Variants in CTNND2 observed in about 807,000 individuals in gnomAD.
The protein encoded by CTNND2 is catenin delta 2, also known as catenin delta-2.
In CTNND2, 22 loss-of-function variants were observed where a neutral mutation model predicts 144.4. The ratio of observed to expected loss-of-function variants is 0.15; its 90% CI spans 0.11 to 0.22. The LOEUF is 0.22. Ranked by LOEUF, CTNND2 falls within the 10% of genes least tolerant of loss-of-function variation. CTNND2 has a pLI of 1.00. For synonymous variants in CTNND2, 751 were observed against 695.6 expected (o/e 1.08, Z -1.25); for missense variants, 1,353 against 1,618.8 (o/e 0.84, Z 2.82).
chr5:11,212,758 A>G (rs1281291911), intron 10 of CTNND2, among the ~76,000 whole-genome samples: 1 of 152,092 alleles, frequency 6.6e-6, no homozygotes, highest in African/African-American at 2.4e-5. Flanking sequence ...AAGGCTGGAG[A>G]GTGGGAGCTG....
intron 2 of CTNND2, among the ~76,000 whole-genome samples, chr5:11,623,016 T>C (rs187342419): frequency 1.5e-4 from 23 of 152,260 alleles, no homozygotes; most frequent in Non-Finnish European, 2.6e-4. Flanking sequence ...GAGGACAATT[T>C]ACTGGCAAAC....
intron 2 of CTNND2, among the ~76,000 whole-genome samples, chr5:11,703,184 C>A (rs1310521231): frequency 6.6e-6 from 1 of 152,148 alleles, no homozygotes; most frequent in Non-Finnish European, 1.5e-5. Flanking sequence ...AATCATGTTT[C>A]AATTTTTCAA....
intron 9 of CTNND2, among the ~76,000 whole-genome samples, chr5:11,344,216 C>A (rs1019105260): frequency 4.0e-5 from 6 of 151,748 alleles, no homozygotes; most frequent in African/African-American, 1.5e-4. Flanking sequence ...CACGGTGAAA[C>A]CCCGTCTCTA....
intron 16 of CTNND2, among the ~76,000 whole-genome samples, chr5:11,075,685 C>G (rs896072060): frequency 6.6e-6 from 1 of 152,244 alleles, no homozygotes; most frequent in Non-Finnish European, 1.5e-5. Flanking sequence ...CCGCCAGTAC[C>G]CGCAGGGATG....
chr5:11,732,291 T>G lies in CTNND2; in HGVS notation c.38-19A>C, dbSNP rs200260744. The G allele has an allele frequency of 3.1e-6, 5 of 1,609,412 alleles. No homozygotes were observed. Among genetic ancestry groups the G allele is most frequent in the Non-Finnish European group, 4.2e-6 (5 of 1,176,724 alleles). On this transcript the variant is annotated intron_variant, in intron 1 of 21. Coordinates refer to ENST00000304623, the MANE Select transcript of CTNND2 (RefSeq NM_001332.4). ...ATAGCTCCTGCAAGGCAAGAGGACA[T>G]GATCAATACAATCAGATGTTGACAC...
chr5:11,388,117 A>G (rs1056158161), intron 6 of CTNND2, among the ~76,000 whole-genome samples: 32 of 152,344 alleles, frequency 2.1e-4, no homozygotes, highest in African/African-American at 7.7e-4. Flanking sequence ...TTGTGCTAAT[A>G]ATTTTGGCAT....
At chr5:11,389,747 C>T (rs549153317) in intron 6 of CTNND2, among the ~76,000 whole-genome samples, 4 of 152,336 alleles carry the variant, frequency 2.6e-5, no homozygotes, top group Admixed American at 2.6e-4. Flanking sequence ...AATCCCTACT[C>T]TGAAAATCCA....
intron 20 of CTNND2, among the ~76,000 whole-genome samples, chr5:10,985,630 G>T (rs1737841845): frequency 6.6e-6 from 1 of 152,196 alleles, no homozygotes. Flanking sequence ...AATGAAACAA[G>T]GAAGATGGCA....
At chr5:11,362,606 T>C (rs904893137) in intron 8 of CTNND2, among the ~76,000 whole-genome samples, 3 of 152,202 alleles carry the variant, frequency 2.0e-5, no homozygotes, top group Non-Finnish European at 4.4e-5. Flanking sequence ...TTTCTCAAAA[T>C]TGCCTTAAGT....
At chr5:11,010,687 C>T (rs1289200531) in intron 18 of CTNND2, among the ~76,000 whole-genome samples, 1 of 152,208 alleles carries the variant, frequency 6.6e-6, no homozygotes, top group East Asian at 1.9e-4. Context: ...ATTCCCTTAC[C>T]CATCTATAAT....
intron 19 of CTNND2, among the ~76,000 whole-genome samples, chr5:10,990,285 A>G (rs1183977807): frequency 6.6e-6 from 1 of 152,148 alleles, no homozygotes; most frequent in Non-Finnish European, 1.5e-5. Context: ...GGGAGATGTG[A>G]GGGGCAGCCA....
At chr5:11,811,350 T>C (rs1300424770) in intron 1 of CTNND2, among the ~76,000 whole-genome samples, 1 of 152,200 alleles carries the variant, frequency 6.6e-6, no homozygotes, top group African/African-American at 2.4e-5. Context: ...TATAATGGGA[T>C]AGTGAAACTT....
intron 2 of CTNND2, among the ~76,000 whole-genome samples, chr5:11,693,212 T>C (rs1784989902): frequency 6.6e-6 from 1 of 152,180 alleles, no homozygotes; most frequent in African/African-American, 2.4e-5. Flanking sequence ...AATCAGAAAG[T>C]GGAGCCTCTC....
At chr5:11,806,576 A>G (rs373853065) in intron 1 of CTNND2, among the ~76,000 whole-genome samples, 16 of 152,222 alleles carry the variant, frequency 1.1e-4, no homozygotes, top group African/African-American at 3.9e-4. Flanking sequence ...TGAGCCAGCC[A>G]TCTACAAGCA....
intron 9 of CTNND2, among the ~76,000 whole-genome samples, chr5:11,321,933 A>AG (rs1299297854): frequency 6.6e-6 from 1 of 152,120 alleles, no homozygotes; most frequent in Non-Finnish European, 1.5e-5. Flanking sequence ...CAATGAATAC[A>AG]TCTGGTTATG....
intron 3 of CTNND2, among the ~76,000 whole-genome samples, chr5:11,561,259 T>G (rs1215429231): frequency 6.6e-6 from 1 of 152,226 alleles, no homozygotes; most frequent in African/African-American, 2.4e-5. Flanking sequence ...CAGGTCTGCA[T>G]AGTTCTTGGG....
chr5:11,780,423 C>T (rs1214487027), intron 1 of CTNND2, among the ~76,000 whole-genome samples: 2 of 152,152 alleles, frequency 1.3e-5, no homozygotes, highest in Non-Finnish European at 2.9e-5. Flanking sequence ...ATTGTCATGA[C>T]CTTAGAAAGA....
intron 2 of CTNND2, among the ~76,000 whole-genome samples, chr5:11,607,126 AG>A (rs1223250694): frequency 6.6e-6 from 1 of 152,196 alleles, no homozygotes; most frequent in Non-Finnish European, 1.5e-5. Context: ...GCAAACCAGC[AG>A]GAGCTAGGGG....
intron 9 of CTNND2, among the ~76,000 whole-genome samples, chr5:11,308,224 C>CTTTT (rs57613248): frequency 3.4e-5 from 5 of 145,742 alleles, no homozygotes; most frequent in African/African-American, 1.2e-4. Context: ...ATTATAATTA[C>CTTTT]TTTTTTTTTT....
Sources: gnomAD v4.1 joint callset for allele counts (sites outside exome capture counted in the v4.1 genomes callset) on GRCh38, gnomAD v4.1.1 for gene constraint, MANE v1.5 for transcripts, NCBI Gene and HGNC (gene_info 2026-07-23, HGNC 2026-07-21) for gene names.